Variants in CLASP1 observed in about 807,000 individuals in gnomAD.
CLASP1 encodes the protein cytoplasmic linker associated protein 1.
In CLASP1, 38 loss-of-function variants were observed where a neutral mutation model predicts 192.3. The observed-to-expected ratio is 0.20, with a 90% confidence interval of 0.15 to 0.26. CLASP1 has a LOEUF of 0.26. Ranked by LOEUF, CLASP1 falls within the 10% of genes least tolerant of loss-of-function variation. The probability of loss-of-function intolerance (pLI) is 1.00; values close to 1 mark genes in which losing one functional copy is unlikely to be tolerated. For missense variants in CLASP1, 1,433 were observed against 1,932.5 expected, an observed-to-expected ratio of 0.74 and a Z score of 4.85; for synonymous variants, 691 against 712.8, an observed-to-expected ratio of 0.97 and a Z score of 0.49.
chr2:121,396,414 T>C (rs1056904232), intron 30 of CLASP1, among the ~76,000 whole-genome samples: 1 of 152,272 alleles, frequency 6.6e-6, no homozygotes, highest in Non-Finnish European at 1.5e-5. Flanking sequence ...GTTCTATTTA[T>C]ATTTGGCTTG....
At chr2:121,434,848 C>T (rs578052330) in intron 19 of CLASP1, among the ~76,000 whole-genome samples, 4 of 152,010 alleles carry the variant, frequency 2.6e-5, no homozygotes, top group African/African-American at 7.2e-5. Context: ...ATTACCTGGG[C>T]GTGGTGGTGC....
At chr2:121,422,794 T>C (rs74853191) in intron 22 of CLASP1, among the ~76,000 whole-genome samples, 7,684 of 152,244 alleles carry the variant, frequency 0.05, 229 homozygotes, top group East Asian at 0.14. Flanking sequence ...AGAGGCATAG[T>C]TGAACCAAAC....
rs1488437825 is a variant in CLASP1, at chr2:121,458,977, TA to T, written c.1179-3del. 6.3e-6 allele frequency: 10 copies of T among 1,597,682 alleles called. No individual in the cohort carries two copies. The South Asian group carries it at 1.1e-4, about 18-fold the overall frequency. ...TTCCCCAGAACTGATGACAGATGCC[TA>T]AAACAAGAAAAGGATACTGGACTAT... On this transcript the variant is annotated splice_polypyrimidine_tract_variant and splice_region_variant and intron_variant, in intron 12 of 39. Transcript: ENST00000263710.
At chr2:121,640,369 T>C (rs545720561) in intron 1 of CLASP1, among the ~76,000 whole-genome samples, 14 of 152,098 alleles carry the variant, frequency 9.2e-5, no homozygotes, top group Non-Finnish European at 2.1e-4. Context: ...TAAAGTATAA[T>C]ACAAAAAAAT....
chr2:121,387,367 T>C (rs539134776), intron 31 of CLASP1, 139 bp from the exon 33 acceptor site: 12 of 609,570 alleles, frequency 2.0e-5, no homozygotes, highest in African/African-American at 1.7e-4. Flanking sequence ...CTTAGAATCA[T>C]AAGGCCAATT....
At chr2:121,607,954 T>C (rs1162951681) in intron 1 of CLASP1, among the ~76,000 whole-genome samples, 1 of 152,186 alleles carries the variant, frequency 6.6e-6, no homozygotes, top group African/African-American at 2.4e-5. Context: ...ACCCATCTTC[T>C]ACTTTACTGC....
chr2:121,410,928 C>G (rs2077606067), exon 24 of CLASP1: 1 of 1,611,806 alleles, frequency 6.2e-7, no homozygotes, highest in African/African-American at 1.3e-5. Flanking sequence ...ATGGCATTCA[C>G]AGAACCAGGT....
exon 28 of CLASP1, chr2:121,401,526 C>T: frequency 1.2e-6 from 2 of 1,611,980 alleles, no homozygotes; most frequent in East Asian, 2.2e-5. Context: ...CATCTAGAGC[C>T]TTTTGAACTT....
Position 121,363,757 on chromosome 2 carries a change from TG to T in CLASP1, c.4078-458del, listed in dbSNP as rs2066848815. The stretch of plus-strand genomic sequence containing the variant: ...AAGAGTGAACTCCACCTAAGGACAG[TG>T]GAAGGCCTGTCATTATTCCTGACCT... On this transcript the variant is annotated intron_variant, in intron 36 of 39. Transcript: ENST00000263710. Among the ~76,000 whole-genome samples, 6 of 152,326 alleles carry T rather than the reference TG, an allele frequency of 3.9e-5. No homozygotes were observed. The South Asian group carries it at 1.2e-3, about 32-fold the overall frequency.
rs765225079 is a variant in CLASP1 at position 121,531,089 on chromosome 2, G to C, written c.196-764C>G. ...CTAGTACTTTGTGGTTAAACCAGTA[G>C]AGGGTGCACAAGACGCGTGGTTTTA... On this transcript the variant is annotated intron_variant, in intron 2 of 39. Coordinates refer to ENST00000263710, the Ensembl canonical transcript of CLASP1. The C allele has an allele frequency of 3.3e-5, 22 of 666,784 alleles. 1 individual carries two copies. The highest frequency in any genetic ancestry group is 3.8e-4 in the Middle Eastern group (1 of 2,616). 41.3% of individuals were successfully genotyped at this position (666,784 alleles called of 1,614,324 possible). A position where few individuals can be genotyped will look rare whatever the true frequency, so the allele number is the denominator to read the frequency against.
intron 2 of CLASP1, 45 bp downstream of exon 2, chr2:121,605,656 T>A (rs1280464489): frequency 6.7e-7 from 1 of 1,494,354 alleles, no homozygotes. Flanking sequence ...GATCTACCAG[T>A]GCAGCCCAGC....
At chr2:121,622,547 C>T (rs1344069135) in intron 1 of CLASP1, among the ~76,000 whole-genome samples, 5 of 148,434 alleles carry the variant, frequency 3.4e-5, no homozygotes, top group Admixed American at 2.0e-4. Context: ...CCAGCGTGGG[C>T]GACGAGTGAG....
chr2:121,519,581 C>T (rs2094409897), intron 6 of CLASP1, among the ~76,000 whole-genome samples: 1 of 152,236 alleles, frequency 6.6e-6, no homozygotes, highest in Admixed American at 6.5e-5. Flanking sequence ...AGCATACACA[C>T]ACCCACAAAT....
chr2:121,435,148 C>CTG (rs2082088292), intron 19 of CLASP1, among the ~76,000 whole-genome samples: 1 of 152,182 alleles, frequency 6.6e-6, no homozygotes. Context: ...TAGCAAGACC[C>CTG]TGTCTCCATT....
At chr2:121,467,518 T>C (rs1392993785) in intron 9 of CLASP1, among the ~76,000 whole-genome samples, 1 of 152,224 alleles carries the variant, frequency 6.6e-6, no homozygotes, top group Non-Finnish European at 1.5e-5. Context: ...TGGTGTGAGA[T>C]GGTATCTCAT....
chr2:121,478,891 A>AC (rs1559369030), intron 8 of CLASP1, among the ~76,000 whole-genome samples: 11 of 62,434 alleles, frequency 1.8e-4, no homozygotes, highest in Admixed American at 6.7e-4. Context: ...CACACACCAC[A>AC]CACACACACC....
intron 19 of CLASP1, among the ~76,000 whole-genome samples, chr2:121,436,953 A>T (rs1006854774): frequency 3.3e-5 from 5 of 152,028 alleles, no homozygotes; most frequent in Admixed American, 6.6e-5. Context: ...TGCTCAATTT[A>T]CCCATGCAGT....
intron 1 of CLASP1, among the ~76,000 whole-genome samples, chr2:121,612,444 G>A (rs1396391387): frequency 2.0e-5 from 3 of 151,630 alleles, no homozygotes; most frequent in Non-Finnish European, 4.4e-5. Flanking sequence ...AGGAGGACTT[G>A]GAGGAGGAGG....
At chr2:121,495,548 C>G (rs926466858) in intron 8 of CLASP1, among the ~76,000 whole-genome samples, 17 of 151,970 alleles carry the variant, frequency 1.1e-4, no homozygotes, top group Admixed American at 5.9e-4. Flanking sequence ...GTAATCCCAG[C>G]TACTTGGGAG....
Sources: allele counts gnomAD v4.1 joint callset (sites outside exome capture counted in the v4.1 genomes callset), GRCh38; gene constraint gnomAD v4.1.1; transcripts MANE v1.5; gene names NCBI Gene and HGNC (gene_info 2026-07-23, HGNC 2026-07-21).